Variants in CCDC178 observed in about 807,000 individuals in gnomAD.
CCDC178 encodes coiled-coil domain-containing protein 178.
CCDC178 carries 126 observed loss-of-function variants against 117.4 expected under a neutral mutation model. That is an observed-to-expected ratio of 1.07 (90% CI 0.93 to 1.24). CCDC178 has a LOEUF of 1.24. CCDC178 is among the 50% of genes most tolerant of loss of function. The probability of loss-of-function intolerance (pLI) is 0.00; values close to 1 mark genes in which losing one functional copy is unlikely to be tolerated. For synonymous variants in CCDC178, 283 were observed against 313.4 expected (o/e 0.90, Z 1.02); for missense variants, 1,030 against 986.9 (o/e 1.04, Z -0.59).
chr18:33,009,680 T>C (rs2055823096), intron 21 of CCDC178, among the ~76,000 whole-genome samples: 1 of 152,168 alleles, frequency 6.6e-6, no homozygotes. Flanking sequence ...ATTGTATTTA[T>C]CTTGTTTGCT....
chr18:33,362,000 AC>A (rs1462654918), intron 6 of CCDC178, among the ~76,000 whole-genome samples: 1 of 151,638 alleles, frequency 6.6e-6, no homozygotes, highest in Non-Finnish European at 1.5e-5. Flanking sequence ...ATATCTTCAC[AC>A]CCATATTCGC....
At chr18:33,332,556 T>A (rs1315074899) in intron 10 of CCDC178, among the ~76,000 whole-genome samples, 1 of 152,172 alleles carries the variant, frequency 6.6e-6, no homozygotes, top group Non-Finnish European at 1.5e-5. Flanking sequence ...CCCACAATTT[T>A]ATTTTTCTGA....
intron 12 of CCDC178, among the ~76,000 whole-genome samples, chr18:33,289,093 T>C (rs1482944015): frequency 1.3e-5 from 2 of 152,126 alleles, no homozygotes; most frequent in Admixed American, 1.3e-4. Flanking sequence ...GGTTTTTTTG[T>C]TTGTTTGTTT....
chr18:33,147,610 G>A (rs557574819), intron 20 of CCDC178, among the ~76,000 whole-genome samples: 4 of 151,746 alleles, frequency 2.6e-5, no homozygotes, highest in African/African-American at 2.4e-5. Context: ...GTTTAACAAA[G>A]CACATCTTGC....
At chr18:33,040,260 T>C (rs1221893374) in intron 21 of CCDC178, among the ~76,000 whole-genome samples, 3 of 151,866 alleles carry the variant, frequency 2.0e-5, no homozygotes, top group Non-Finnish European at 2.9e-5. Context: ...AAGTTAAATA[T>C]ATACATATGC....
intron 3 of CCDC178, among the ~76,000 whole-genome samples, chr18:33,397,512 G>C (rs2063655439): frequency 6.6e-6 from 1 of 152,074 alleles, no homozygotes; most frequent in African/African-American, 2.4e-5. Context: ...TAATTTCTCT[G>C]TTTAGTGTTC....
At chr18:33,074,519 A>C (rs2057169924) in intron 21 of CCDC178, among the ~76,000 whole-genome samples, 1 of 152,226 alleles carries the variant, frequency 6.6e-6, no homozygotes, top group African/African-American at 2.4e-5. Context: ...GAAGGTAGAT[A>C]AACAAAAGTG....
chr18:33,175,191 T>A (rs2058650899), intron 20 of CCDC178, among the ~76,000 whole-genome samples: 1 of 152,072 alleles, frequency 6.6e-6, no homozygotes, highest in Non-Finnish European at 1.5e-5. Flanking sequence ...TTCGCATTAT[T>A]GTATCCTTCT....
At chr18:33,151,312 C>A (rs1475245495) in intron 20 of CCDC178, among the ~76,000 whole-genome samples, 1 of 151,768 alleles carries the variant, frequency 6.6e-6, no homozygotes. Flanking sequence ...TGGTGGCGAG[C>A]ACCTGAAAAA....
intron 15 of CCDC178, among the ~76,000 whole-genome samples, chr18:33,238,888 T>C (rs773403283): frequency 3.3e-5 from 5 of 152,058 alleles, no homozygotes; most frequent in Non-Finnish European, 7.4e-5. Context: ...GAGAAAAGCA[T>C]CGTCACATAT....
intron 9 of CCDC178, among the ~76,000 whole-genome samples, chr18:33,340,024 G>A (rs2062795460): frequency 6.6e-6 from 1 of 152,142 alleles, no homozygotes; most frequent in Non-Finnish European, 1.5e-5. Flanking sequence ...AGTTTGGAGG[G>A]CTCAGAAGAA....
At chr18:33,020,812 G>A (rs931432128) in intron 21 of CCDC178, among the ~76,000 whole-genome samples, 3 of 151,630 alleles carry the variant, frequency 2.0e-5, no homozygotes, top group Admixed American at 6.6e-5. Flanking sequence ...GTTAATTCAC[G>A]TAAGTGAATT....
At chr18:33,429,787 T>A (rs4799697) in intron 2 of CCDC178, among the ~76,000 whole-genome samples, 1 of 151,972 alleles carries the variant, frequency 6.6e-6, no homozygotes, top group Non-Finnish European at 1.5e-5. Flanking sequence ...AGCTAGAGAA[T>A]AGAGAGTATT....
chr18:33,236,352 T>C (rs1350100866), intron 15 of CCDC178, among the ~76,000 whole-genome samples: 3 of 152,196 alleles, frequency 2.0e-5, no homozygotes, highest in African/African-American at 7.2e-5. Context: ...TAAACCTGAA[T>C]TATCTAAGGA....
chr18:33,298,016 G>A (rs1446025191), intron 11 of CCDC178, among the ~76,000 whole-genome samples: 1 of 150,002 alleles, frequency 6.7e-6, no homozygotes, highest in Non-Finnish European at 1.5e-5. Flanking sequence ...ACTCCAGCCT[G>A]GGCGACTGAG....
chr18:33,286,280 T>C (rs914171640), intron 12 of CCDC178, among the ~76,000 whole-genome samples: 2 of 152,086 alleles, frequency 1.3e-5, no homozygotes, highest in Non-Finnish European at 2.9e-5. Context: ...TGGCCAGCAA[T>C]GTGTATTTTT....
At chr18:33,043,246 ACTAT>A (rs918867270) in intron 21 of CCDC178, among the ~76,000 whole-genome samples, 11 of 152,098 alleles carry the variant, frequency 7.2e-5, no homozygotes, top group Non-Finnish European at 1.6e-4. Flanking sequence ...CAGTAAAAAA[ACTAT>A]CTAAAAAGGA....
intron 21 of CCDC178, among the ~76,000 whole-genome samples, chr18:33,090,609 G>A (rs1446252541): frequency 6.6e-6 from 1 of 152,104 alleles, no homozygotes; most frequent in Non-Finnish European, 1.5e-5. Flanking sequence ...AATGACATAC[G>A]ATTTCTCACT....
In CCDC178 at chr18:33,356,305, A is replaced by G. The variant is rs761784233; in HGVS notation, c.371+19T>C. On this transcript the variant is annotated intron_variant, in intron 7 of 22. Transcript: ENST00000383096. ...ACATTAAAAATAAAATAGTTTTAAAAAGCATGAAATTTTCTTACCATTCTT... is the reference window on the plus strand; with the variant it reads ...ACATTAAAAATAAAATAGTTTTAAAGAGCATGAAATTTTCTTACCATTCTT... 4.1e-6 allele frequency: 6 copies of G among 1,473,516 alleles called. No homozygotes were observed. The African/African-American group carries it at 8.5e-5, about 21-fold the overall frequency. 91.3% of individuals were successfully genotyped at this position (1,473,516 alleles called of 1,614,324 possible). A position where few individuals can be genotyped will look rare whatever the true frequency, so the allele number is the denominator to read the frequency against.
Sources: gnomAD v4.1 joint callset for allele counts (sites outside exome capture counted in the v4.1 genomes callset) on GRCh38, gnomAD v4.1.1 for gene constraint, MANE v1.5 for transcripts, NCBI Gene and HGNC (gene_info 2026-07-23, HGNC 2026-07-21) for gene names.